Variants in TMEM91 observed in about 807,000 individuals in gnomAD.
TMEM91 encodes the protein dispanin subfamily C member 3.
A neutral mutation model predicts 13.3 loss-of-function variants in TMEM91; 6 were observed. The ratio of observed to expected loss-of-function variants is 0.45; its 90% CI spans 0.25 to 0.89. TMEM91 has a LOEUF of 0.89. Ranked by LOEUF, TMEM91 falls within the 40% of genes least tolerant of loss-of-function variation. The pLI is 0.19. For missense variants in TMEM91, 193 were observed against 228.7 expected (o/e 0.84, Z 1.01); for synonymous variants, 87 against 101.7 (o/e 0.86, Z 0.87).
intron 2 of TMEM91, among the ~76,000 whole-genome samples, chr19:41,381,266 C>T (rs1455104121): frequency 2.6e-5 from 4 of 151,810 alleles, no homozygotes; most frequent in Non-Finnish European, 5.9e-5. Flanking sequence ...TCATAGCTCA[C>T]TGGAGTCTCA....
At chr19:41,379,137 CTTTTTTTTTTTT>C (rs569382453) in intron 2 of TMEM91, among the ~76,000 whole-genome samples, 1 of 109,068 alleles carries the variant, frequency 9.2e-6, no homozygotes, top group Non-Finnish European at 1.9e-5. Context: ...CCCAGCCTTC[CTTTTTTTTTTTT>C]TTTTTTTTTT....
At chr19:41,374,472 T>C (rs956966764), upstream of TMEM91, 1 of 152,224 alleles carries the variant, frequency 6.6e-6, no homozygotes, top group Non-Finnish European at 1.5e-5. Flanking sequence ...ATCTGTTCTT[T>C]TTATTTTTTA....
In TMEM91 at chr19:41,376,650, G is replaced by C. The variant is rs978664950; in HGVS notation, c.-234G>C. 1 of 152,242 alleles carries C rather than the reference G, an allele frequency of 6.6e-6. No individual in the cohort carries two copies. Among genetic ancestry groups the C allele is most frequent in the Non-Finnish European group, 1.5e-5 (1 of 68,052 alleles). 9.4% of individuals were successfully genotyped at this position (152,242 alleles called of 1,614,324 possible). ...CTGGACGCTGACGTCGGCTTTCAGG[G>C]ATCCCTCGCCGGACGCCGCGGAGGG... On this transcript the variant is annotated 5_prime_UTR_variant, in exon 1 of 4. Coordinates refer to ENST00000392002, the MANE Select transcript of TMEM91 (RefSeq NM_001098821.2).
intron 2 of TMEM91, 121 bp from the exon 3 acceptor site, chr19:41,382,651 C>A: frequency 7.3e-7 from 1 of 1,367,174 alleles, no homozygotes; most frequent in Non-Finnish European, 9.9e-7. Flanking sequence ...ACACTTTTTT[C>A]TCTTTGTATC....
At chr19:41,371,433 C>G (rs1210273490) in intron 1 of TMEM91, among the ~76,000 whole-genome samples, 1 of 141,394 alleles carries the variant, frequency 7.1e-6, no homozygotes, top group Non-Finnish European at 1.5e-5. Context: ...CTTTCTCTCT[C>G]TCTTTCTTTC....
At chr19:41,365,570 A>C (rs1215500131) in intron 1 of TMEM91, among the ~76,000 whole-genome samples, 1 of 150,876 alleles carries the variant, frequency 6.6e-6, no homozygotes, top group East Asian at 2.0e-4. Context: ...ACACCCAGCT[A>C]ATTTTTGTAT....
At chr19:41,383,245 G>A (rs1204716495) in intron 3 of TMEM91, 1 of 402,362 alleles carries the variant, frequency 2.5e-6, no homozygotes, top group Non-Finnish European at 4.3e-6. Context: ...ATAAAGACGG[G>A]GTTTCACCAC....
At chr19:41,367,058 T>A (rs2038539056) in intron 1 of TMEM91, among the ~76,000 whole-genome samples, 1 of 152,070 alleles carries the variant, frequency 6.6e-6, no homozygotes, top group African/African-American at 2.4e-5. Flanking sequence ...GGAGCATCAC[T>A]TGAACCTGGG....
At chr19:41,366,608 C>T (rs1024725589) in intron 1 of TMEM91, among the ~76,000 whole-genome samples, 2 of 152,106 alleles carry the variant, frequency 1.3e-5, no homozygotes, top group African/African-American at 4.8e-5. Flanking sequence ...CACAACCTGG[C>T]TGGCACCTCC....
chr19:41,376,223 T>C (rs1281440224), upstream of TMEM91: 1 of 152,266 alleles, frequency 6.6e-6, no homozygotes, highest in Non-Finnish European at 1.5e-5. Context: ...AATGCGATGA[T>C]GAATGTAAAG....
upstream of TMEM91, chr19:41,363,977 A>T (rs910028205): frequency 3.3e-5 from 8 of 242,918 alleles, no homozygotes; most frequent in African/African-American, 1.6e-4. Context: ...CTTAACGGTT[A>T]GGAGAGGAGA....
chr19:41,365,309 A>AC, intron 1 of TMEM91, among the ~76,000 whole-genome samples: 1 of 152,002 alleles, frequency 6.6e-6, no homozygotes, highest in Admixed American at 6.6e-5. Context: ...ATATAGGGAG[A>AC]CCCCATTAAT....
chr19:41,373,493 C>A (rs549455967), upstream of TMEM91, among the ~76,000 whole-genome samples: 1 of 149,894 alleles, frequency 6.7e-6, no homozygotes, highest in Non-Finnish European at 1.5e-5. Flanking sequence ...CTGTTTTAGG[C>A]CGTGAGGCAC....
At chr19:41,365,434 T>TC (rs2038502791) in intron 1 of TMEM91, among the ~76,000 whole-genome samples, 2 of 152,142 alleles carry the variant, frequency 1.3e-5, no homozygotes, top group South Asian at 4.1e-4. Context: ...AGATGGCGTC[T>TC]CCCCCTGTCA....
At chr19:41,381,358 A>AT (rs34434786) in intron 2 of TMEM91, among the ~76,000 whole-genome samples, 2,564 of 112,804 alleles carry the variant, frequency 0.023, 71 homozygotes, top group African/African-American at 0.054. Context: ...TGCCTAGCTA[A>AT]TTTTTTTTTT....
upstream of TMEM91, chr19:41,373,930 G>C (rs886623733): frequency 6.6e-6 from 1 of 152,034 alleles, no homozygotes; most frequent in Non-Finnish European, 1.5e-5. Flanking sequence ...CTCCCTCCTC[G>C]GCCTCCCAAA....
Position 41,370,302 on chromosome 19 carries a change from C to G in TMEM91, c.-30+6207C>G, listed in dbSNP as rs369095221. Among the ~76,000 whole-genome samples the G allele has an allele frequency of 3.6e-4, 55 of 152,200 alleles. No homozygotes were observed. In the South Asian group the frequency reaches 0.011, roughly 29 times the overall value. ...ATGTTGGTCAGACTGGTCTCGAACT[C>G]CTGACCTCAGGTGATCTGCCTGCTT... is the stretch of plus-strand genomic sequence containing the variant. On this transcript the variant is annotated intron_variant, in intron 1 of 3. Transcript: ENST00000413014.
At chr19:41,375,314 T>G (rs1026979225), upstream of TMEM91, among the ~76,000 whole-genome samples, 5 of 135,744 alleles carry the variant, frequency 3.7e-5, no homozygotes, top group African/African-American at 1.4e-4. Context: ...GGAGTCTTGC[T>G]GTTTCCCAGG....
chr19:41,371,226 T>G (rs1489553936), intron 1 of TMEM91, among the ~76,000 whole-genome samples: 3 of 151,926 alleles, frequency 2.0e-5, no homozygotes, highest in Non-Finnish European at 4.4e-5. Flanking sequence ...GATTTCGAAC[T>G]CCTGACCTCA....
Sources: allele counts gnomAD v4.1 joint callset (sites outside exome capture counted in the v4.1 genomes callset), GRCh38; gene constraint gnomAD v4.1.1; transcripts MANE v1.5; gene names NCBI Gene and HGNC (gene_info 2026-07-23, HGNC 2026-07-21).